Variants in ETV1 observed in about 807,000 individuals in gnomAD.
ETV1 encodes the protein ETS variant transcription factor 1.
ETV1 carries 27 observed loss-of-function variants against 62.3 expected under a neutral mutation model. That is an observed-to-expected ratio of 0.43 (90% CI 0.32 to 0.60). The LOEUF (loss-of-function observed/expected upper bound fraction) is 0.60, where lower values mean the gene tolerates loss of function less well. ETV1 is among the 20% of genes least tolerant of loss of function. The pLI, the probability that ETV1 is intolerant of heterozygous loss-of-function variation, is 0.06. For synonymous variants in ETV1, 222 were observed against 199.6 expected, an observed-to-expected ratio of 1.11 and a Z score of -0.94; for missense variants, 605 against 605.8, an observed-to-expected ratio of 1.00 and a Z score of 0.01.
intron 6 of ETV1, among the ~76,000 whole-genome samples, chr7:13,955,603 G>A (rs944695918): frequency 1.3e-5 from 2 of 152,110 alleles, no homozygotes; most frequent in African/African-American, 4.8e-5. Flanking sequence ...CGGTGGCCAT[G>A]AAATACACAG....
At chr7:13,955,279 A>C (rs1789286482) in intron 6 of ETV1, among the ~76,000 whole-genome samples, 2 of 152,198 alleles carry the variant, frequency 1.3e-5, no homozygotes, top group South Asian at 4.1e-4. Flanking sequence ...TATTTCACCC[A>C]ACTTGAAAAT....
chr7:13,989,883 G>C (rs1159646190), upstream of ETV1: 2 of 334,110 alleles, frequency 6.0e-6, no homozygotes, highest in Non-Finnish European at 5.4e-6. Context: ...CAGCCTGGAA[G>C]CGCCACGGAG....
chr7:13,981,583 A>G (rs1028233948), intron 5 of ETV1, among the ~76,000 whole-genome samples: 1 of 152,080 alleles, frequency 6.6e-6, no homozygotes, highest in African/African-American at 2.4e-5. Flanking sequence ...TGCTTTACAG[A>G]GTAACTTGTT....
chr7:13,923,075 G>C (rs535418488), intron 9 of ETV1, among the ~76,000 whole-genome samples: 1 of 152,252 alleles, frequency 6.6e-6, no homozygotes, highest in East Asian at 1.9e-4. Context: ...CCCTCTGAAT[G>C]TTGTTATTTT....
chr7:13,898,054 T>C (rs1251838714), intron 13 of ETV1, among the ~76,000 whole-genome samples: 2 of 152,218 alleles, frequency 1.3e-5, no homozygotes, highest in Admixed American at 6.5e-5. Flanking sequence ...TCCTTCTGTA[T>C]TGCTTTTGAA....
intron 6 of ETV1, among the ~76,000 whole-genome samples, chr7:13,964,627 C>A (rs1193557420): frequency 6.6e-6 from 1 of 152,050 alleles, no homozygotes; most frequent in South Asian, 2.1e-4. Context: ...TTCCTTCATC[C>A]AACAAATATA....
At chr7:13,938,971 T>C in intron 7 of ETV1, 146 bp downstream of exon 7, 1 of 729,664 alleles carries the variant, frequency 1.4e-6, no homozygotes, top group Non-Finnish European at 2.2e-6. Flanking sequence ...AATGGTTCTT[T>C]AGAGTTCTGC....
rs1782713565 is a variant in ETV1, at chr7:13,988,105, ATC to A, written c.112_113del (p.Asp38SerfsTer4). 1 of 1,611,436 alleles carries A rather than the reference ATC, an allele frequency of 6.2e-7. No homozygotes were observed. Among genetic ancestry groups the A allele is most frequent in the African/African-American group, 1.3e-5 (1 of 74,880 alleles). On this transcript the variant is annotated frameshift_variant, in exon 4 of 14. Coordinates refer to ENST00000430479, the MANE Select transcript of ETV1 (RefSeq NM_004956.5). LOFTEE classifies it high-confidence loss of function. ...NVRKRKFINRDLAHDSEELFQ... is the reference protein window; with the variant it reads ...NVRKRKFINRXLAHDSEELFQ... The stretch of plus-strand genomic sequence containing the variant: ...CCTCACCTTCTGAATCATGAGCCAG[ATC>A]TCTGTTAATGAATTTTCTTTTCCTG...
intron 9 of ETV1, among the ~76,000 whole-genome samples, chr7:13,918,561 T>A (rs1784455239): frequency 6.6e-6 from 1 of 152,052 alleles, no homozygotes; most frequent in South Asian, 2.1e-4. Flanking sequence ...TAAAAAATGA[T>A]GAGTTCATGT....
chr7:13,974,004 T>C (rs1202133487), intron 6 of ETV1, among the ~76,000 whole-genome samples: 2 of 152,194 alleles, frequency 1.3e-5, no homozygotes, highest in African/African-American at 2.4e-5. Context: ...CCATGCTGAA[T>C]GTGACGTGTT....
At position 13,892,373 on chromosome 7, in the gene ETV1, A is replaced by G. The variant is rs906884278; in HGVS notation, c.*3493T>C. The G allele has an allele frequency of 7.7e-5, 18 of 232,606 alleles. No homozygotes were observed. Among genetic ancestry groups the G allele is most frequent in the Non-Finnish European group, 1.4e-4 (16 of 117,660 alleles). The allele number at this position is 232,606 out of a possible 1,614,324, so 14.4% of individuals were successfully genotyped here. On this transcript the variant is annotated 3_prime_UTR_variant, in exon 14 of 14. Transcript: ENST00000430479. Reference sequence around the variant, plus strand: ...GTGGAATAGTTGAAATTTAATATAGAAAGTTTTCAAAATTATTTATGCAGA... The same window carrying G: ...GTGGAATAGTTGAAATTTAATATAGGAAGTTTTCAAAATTATTTATGCAGA...
chr7:13,927,796 A>G (rs952346395), intron 9 of ETV1, among the ~76,000 whole-genome samples: 2 of 152,216 alleles, frequency 1.3e-5, no homozygotes, highest in South Asian at 2.1e-4. Flanking sequence ...TGGGGTTACT[A>G]TATTTATTTT....
Position 13,923,574 on chromosome 7 carries a change from A to T in ETV1, c.802+7928T>A, listed in dbSNP as rs117005498. Among the ~76,000 whole-genome samples the T allele has an allele frequency of 7.1e-3, 1,074 of 152,290 alleles. 6 individuals carry two copies. The highest frequency in any genetic ancestry group is 0.014 in the Middle Eastern group (4 of 294). ...TAAATATTTTTTCAGTATTTATTTC[A>T]TCATTTTTCTGCCTACACATAATTT... On this transcript the variant is annotated intron_variant, in intron 9 of 13. Transcript: ENST00000430479.
At chr7:13,910,432 T>C (rs560674076) in intron 10 of ETV1, 1 of 238,064 alleles carries the variant, frequency 4.2e-6, no homozygotes, top group Non-Finnish European at 6.8e-6. Flanking sequence ...TATATAATAC[T>C]AACAACAGAA....
At chr7:13,910,503 A>G (rs950384035) in intron 10 of ETV1, 2 of 563,766 alleles carry the variant, frequency 3.5e-6, no homozygotes, top group Non-Finnish European at 4.5e-6. Context: ...TACATTTACC[A>G]TCTCATACTA....
At chr7:13,986,921 C>A in intron 4 of ETV1, 2 of 439,052 alleles carry the variant, frequency 4.6e-6, no homozygotes, top group Non-Finnish European at 8.0e-6. Flanking sequence ...TAAAGTCAAT[C>A]ATCTTTTCTT....
intron 8 of ETV1, among the ~76,000 whole-genome samples, chr7:13,933,968 A>T (rs371842545): frequency 4.6e-5 from 7 of 152,320 alleles, no homozygotes; most frequent in East Asian, 1.9e-4. Flanking sequence ...AGTTTGCACA[A>T]AAAGCGAATT....
At chr7:13,966,674 A>C (rs1049246284) in intron 6 of ETV1, among the ~76,000 whole-genome samples, 1 of 152,096 alleles carries the variant, frequency 6.6e-6, no homozygotes, top group Non-Finnish European at 1.5e-5. Flanking sequence ...AACAAACAAA[A>C]AAACCTAAAA....
In ETV1 at chr7:13,894,154, ATTTT is replaced by A. The variant is rs530800704; in HGVS notation, c.*1708_*1711del. The stretch of plus-strand genomic sequence containing the variant: ...GGTTTATTTTGACTTTGTGTTTAGA[ATTTT>A]TTTTTTTTTTTGCTTTTTGCTATAG... On this transcript the variant is annotated 3_prime_UTR_variant, in exon 14 of 14. Coordinates refer to ENST00000430479, the MANE Select transcript of ETV1 (RefSeq NM_004956.5). 2 of 217,694 alleles carry A rather than the reference ATTTT, an allele frequency of 9.2e-6. No homozygotes were observed. Among genetic ancestry groups the A allele is most frequent in the Non-Finnish European group, 9.0e-6 (1 of 111,660 alleles). 13.5% of individuals were successfully genotyped at this position (217,694 alleles called of 1,614,324 possible). A position where few individuals can be genotyped will look rare whatever the true frequency, so the allele number is the denominator to read the frequency against.
Sources: allele counts gnomAD v4.1 joint callset (sites outside exome capture counted in the v4.1 genomes callset), GRCh38; gene constraint gnomAD v4.1.1; transcripts MANE v1.5; gene names NCBI Gene and HGNC (gene_info 2026-07-23, HGNC 2026-07-21).